Variants in SPIDR observed in about 807,000 individuals in gnomAD.
SPIDR encodes scaffold protein involved in DNA repair, also known as DNA repair-scaffolding protein.
SPIDR carries 93 observed loss-of-function variants against 104.6 expected under a neutral mutation model. That is an observed-to-expected ratio of 0.89 (90% CI 0.75 to 1.06). SPIDR has a LOEUF of 1.06. SPIDR is among the 50% of genes least tolerant of loss of function. The probability of loss-of-function intolerance (pLI) is 0.00; values close to 1 mark genes in which losing one functional copy is unlikely to be tolerated. For synonymous variants in SPIDR, 431 were observed against 416.9 expected (o/e 1.03, Z -0.41); for missense variants, 1,154 against 1,111.2 (o/e 1.04, Z -0.55).
At chr8:47,451,819 T>A (rs534721070) in intron 8 of SPIDR, among the ~76,000 whole-genome samples, 157 of 151,996 alleles carry the variant, frequency 1.0e-3, no homozygotes, top group Admixed American at 3.1e-3. Flanking sequence ...CCAGAAAAAA[T>A]ATTTGAAGAA....
intron 8 of SPIDR, among the ~76,000 whole-genome samples, chr8:47,572,837 A>T (rs2058691193): frequency 6.6e-6 from 1 of 152,146 alleles, no homozygotes; most frequent in Admixed American, 6.6e-5. Context: ...GAGCTCTCCC[A>T]CACATTGACA....
At chr8:47,464,695 C>T (rs1331753787) in intron 8 of SPIDR, among the ~76,000 whole-genome samples, 1 of 152,092 alleles carries the variant, frequency 6.6e-6, no homozygotes, top group Non-Finnish European at 1.5e-5. Context: ...CCTCTCCCCT[C>T]CCCTCCCCTC....
chr8:47,643,496 A>G (rs890006820), intron 10 of SPIDR, among the ~76,000 whole-genome samples: 2 of 148,852 alleles, frequency 1.3e-5, no homozygotes, highest in African/African-American at 5.0e-5. Context: ...CTTAAGGCAC[A>G]TATCACCACA....
At chr8:47,626,560 C>T (rs2066153617) in intron 10 of SPIDR, among the ~76,000 whole-genome samples, 1 of 152,102 alleles carries the variant, frequency 6.6e-6, no homozygotes, top group Admixed American at 6.5e-5. Context: ...CAAACAACCC[C>T]ATCAACAAAT....
At chr8:47,592,116 G>A (rs1165320529) in intron 8 of SPIDR, 2 of 1,369,948 alleles carry the variant, frequency 1.5e-6, no homozygotes, top group Non-Finnish European at 2.1e-6. Context: ...AACAGGAGAA[G>A]TGATGCACAC....
chr8:47,345,375 A>G (rs1272597212), intron 5 of SPIDR, among the ~76,000 whole-genome samples: 6 of 152,158 alleles, frequency 3.9e-5, no homozygotes, highest in Admixed American at 2.0e-4. Flanking sequence ...GCCTTGTAGT[A>G]TAGTTTGAAG....
At chr8:47,647,342 CAGT>C (rs1159013544) in intron 10 of SPIDR, among the ~76,000 whole-genome samples, 2 of 152,134 alleles carry the variant, frequency 1.3e-5, no homozygotes, top group Admixed American at 1.3e-4. Flanking sequence ...AGCCCAGGCG[CAGT>C]GGCTCACGCC....
At chr8:47,719,754 T>G (rs890678764) in intron 16 of SPIDR, among the ~76,000 whole-genome samples, 1 of 151,248 alleles carries the variant, frequency 6.6e-6, no homozygotes, top group Non-Finnish European at 1.5e-5. Flanking sequence ...CCCCCACATC[T>G]CCCACACTGA....
chr8:47,566,071 A>G (rs1396503698), intron 8 of SPIDR, among the ~76,000 whole-genome samples: 2 of 130,420 alleles, frequency 1.5e-5, no homozygotes, highest in African/African-American at 6.1e-5. Flanking sequence ...CAGTGGCACA[A>G]TCTTGGCTCA....
intron 5 of SPIDR, among the ~76,000 whole-genome samples, chr8:47,371,128 GTT>G (rs56285452): frequency 1.7e-4 from 22 of 128,554 alleles, no homozygotes; most frequent in Admixed American, 4.7e-4. Context: ...ACACAAGCAG[GTT>G]TTTTTTTTTT....
chr8:47,329,495 C>T (rs2048303278), intron 5 of SPIDR, among the ~76,000 whole-genome samples: 1 of 152,176 alleles, frequency 6.6e-6, no homozygotes, highest in Non-Finnish European at 1.5e-5. Context: ...GTGTGAGCCA[C>T]TGTACCCAGC....
At chr8:47,560,418 C>T (rs1280128684) in intron 8 of SPIDR, among the ~76,000 whole-genome samples, 1 of 152,154 alleles carries the variant, frequency 6.6e-6, no homozygotes, top group Non-Finnish European at 1.5e-5. Context: ...TGCCCTTTTC[C>T]CTTCGTCCCG....
intron 6 of SPIDR, among the ~76,000 whole-genome samples, chr8:47,400,931 A>C (rs902360191): frequency 2.0e-5 from 3 of 152,130 alleles, no homozygotes; most frequent in Non-Finnish European, 4.4e-5. Context: ...TATCCAGGAG[A>C]ACTGCCCCAA....
chr8:47,684,835 T>C (rs2077538908), intron 11 of SPIDR, among the ~76,000 whole-genome samples: 1 of 152,232 alleles, frequency 6.6e-6, no homozygotes, highest in South Asian at 2.1e-4. Context: ...CAGTTGGACA[T>C]TGCTAGGCAT....
At chr8:47,664,822 G>A (rs570266527) in intron 10 of SPIDR, among the ~76,000 whole-genome samples, 14 of 151,732 alleles carry the variant, frequency 9.2e-5, no homozygotes, top group Non-Finnish European at 2.1e-4. Flanking sequence ...CTTGAGCCTG[G>A]GAGATCGAGG....
intron 8 of SPIDR, among the ~76,000 whole-genome samples, chr8:47,499,536 C>A (rs1002784967): frequency 6.6e-6 from 1 of 151,464 alleles, no homozygotes; most frequent in Non-Finnish European, 1.5e-5. Context: ...AATGATACGG[C>A]AGCATTTCTT....
chr8:47,369,421 C>G (rs1554637163), intron 5 of SPIDR, among the ~76,000 whole-genome samples: 1 of 152,192 alleles, frequency 6.6e-6, no homozygotes, highest in Non-Finnish European at 1.5e-5. Context: ...AATATTTTCT[C>G]AAGCCCTTGA....
At chr8:47,389,932 T>A (rs782718815) in intron 5 of SPIDR, among the ~76,000 whole-genome samples, 1 of 152,108 alleles carries the variant, frequency 6.6e-6, no homozygotes, top group Non-Finnish European at 1.5e-5. Flanking sequence ...ATCCAGATGA[T>A]TGAAAAATTC....
At chr8:47,471,442 G>T (rs1554720980) in intron 8 of SPIDR, among the ~76,000 whole-genome samples, 1 of 151,710 alleles carries the variant, frequency 6.6e-6, no homozygotes, top group East Asian at 1.9e-4. Flanking sequence ...CACATCATTA[G>T]TCTTTAGGGT....
Sources: gnomAD v4.1 joint callset for allele counts (sites outside exome capture counted in the v4.1 genomes callset) on GRCh38, gnomAD v4.1.1 for gene constraint, MANE v1.5 for transcripts, NCBI Gene and HGNC (gene_info 2026-07-23, HGNC 2026-07-21) for gene names.